The following TRABD2A variants were observed in gnomAD, a reference collection of about 807,000 sequenced individuals.
The protein encoded by TRABD2A is TraB domain containing 2A, also known as metalloprotease TIKI1.
A neutral mutation model predicts 45.6 loss-of-function variants in TRABD2A; 43 were observed. The ratio of observed to expected loss-of-function variants is 0.94; its 90% CI spans 0.74 to 1.22. The LOEUF (loss-of-function observed/expected upper bound fraction) is 1.22, where lower values mean the gene tolerates loss of function less well. Among genes scored for constraint, TRABD2A ranks in the 50% most tolerant of loss-of-function variants. TRABD2A has a pLI of 0.00. For synonymous variants in TRABD2A, 269 were observed against 265.0 expected, an observed-to-expected ratio of 1.02 and a Z score of -0.15; for missense variants, 642 against 652.4, an observed-to-expected ratio of 0.98 and a Z score of 0.17.
chr2:84,840,352 G>C (rs536382388), intron 3 of TRABD2A, among the ~76,000 whole-genome samples: 2 of 151,916 alleles, frequency 1.3e-5, no homozygotes, highest in African/African-American at 2.4e-5. Flanking sequence ...CTTCAGCAGA[G>C]CCCCCCTCTC....
intron 4 of TRABD2A, chr2:84,838,159 C>T (rs1676537509): frequency 4.2e-6 from 3 of 711,798 alleles, no homozygotes; most frequent in Non-Finnish European, 7.8e-6. Context: ...TGAACCCATT[C>T]TGTCCCCTCC....
At chr2:84,826,685 C>T (rs1029412062) in intron 5 of TRABD2A, among the ~76,000 whole-genome samples, 1 of 152,222 alleles carries the variant, frequency 6.6e-6, no homozygotes, top group Non-Finnish European at 1.5e-5. Context: ...GCACATGCCA[C>T]CACGCCCAGC....
chr2:84,853,744 C>T (rs906065109), intron 2 of TRABD2A, among the ~76,000 whole-genome samples: 1 of 152,232 alleles, frequency 6.6e-6, no homozygotes, highest in African/African-American at 2.4e-5. Flanking sequence ...AGATTTCCAG[C>T]CTTGATGGGT....
rs140884643 is a variant in TRABD2A at position 84,838,019 on chromosome 2, T to C, written c.991+1130A>G. ...TTGTTTTCAACACACACCCTAAGAA[T>C]AGGGCTATTCACACAGAGCAAGCTC... On this transcript the variant is annotated intron_variant, in intron 4 of 6. Coordinates refer to ENST00000409520, the MANE Select transcript of TRABD2A (RefSeq NM_001277053.2). The C allele has an allele frequency of 2.6e-3, 1,337 of 512,794 alleles. 16 individuals carry two copies. The highest frequency in any genetic ancestry group is 0.024 in the African/African-American group (1,245 of 51,458). 31.8% of individuals were successfully genotyped at this position (512,794 alleles called of 1,614,324 possible).
At chr2:84,838,771 CT>C (rs1475973122) in intron 4 of TRABD2A, among the ~76,000 whole-genome samples, 5 of 152,158 alleles carry the variant, frequency 3.3e-5, no homozygotes, top group Non-Finnish European at 7.3e-5. Context: ...AGGCCTTGGA[CT>C]TGGGAGGCTC....
intron 4 of TRABD2A, chr2:84,835,221 GAGGAAAAA>G (rs1681463437): frequency 7.7e-6 from 1 of 129,070 alleles, no homozygotes; most frequent in African/African-American, 3.9e-5. Context: ...AAAAATACTA[GAGGAAAAA>G]CTAGAGGTCA....
At chr2:84,836,686 T>G (rs1303482327) in intron 4 of TRABD2A, 1 of 152,210 alleles carries the variant, frequency 6.6e-6, no homozygotes, top group Non-Finnish European at 1.5e-5. Flanking sequence ...TTGGCACACT[T>G]GAGGGTGTCT....
intron 5 of TRABD2A, among the ~76,000 whole-genome samples, chr2:84,827,599 T>A (rs529295481): frequency 3.3e-5 from 5 of 152,330 alleles, no homozygotes; most frequent in Admixed American, 3.3e-4. Flanking sequence ...TCCCCAAAGA[T>A]GTCCATGACC....
At chr2:84,828,660 A>G (rs965773916) in intron 5 of TRABD2A, among the ~76,000 whole-genome samples, 17 of 152,214 alleles carry the variant, frequency 1.1e-4, no homozygotes, top group Admixed American at 4.6e-4. Flanking sequence ...TGGCTGAATA[A>G]ATGAATGCAT....
chr2:84,849,198 G>T (rs1293814674), intron 2 of TRABD2A, among the ~76,000 whole-genome samples: 1 of 152,120 alleles, frequency 6.6e-6, no homozygotes, highest in African/African-American at 2.4e-5. Context: ...GCCCCTGGCT[G>T]ACTCCAAGGA....
chr2:84,844,109 C>T (rs1681803871), intron 2 of TRABD2A: 1 of 152,186 alleles, frequency 6.6e-6, no homozygotes, highest in Non-Finnish European at 1.5e-5. Context: ...CCCATCCTTC[C>T]CATCCCTCTA....
At chr2:84,825,813 C>T (rs1442780350) in intron 5 of TRABD2A, among the ~76,000 whole-genome samples, 1 of 152,118 alleles carries the variant, frequency 6.6e-6, no homozygotes, top group Non-Finnish European at 1.5e-5. Context: ...CTCAGATTAG[C>T]AGGGACATCA....
rs1683189451 is a variant in TRABD2A at position 84,881,035 on chromosome 2, C to A, written c.5G>T (p.Ser2Ile). 13 of 1,601,132 alleles carry A rather than the reference C, an allele frequency of 8.1e-6. No individual in the cohort carries two copies. Among genetic ancestry groups the A allele is most frequent in the Non-Finnish European group, 1.1e-5 (13 of 1,174,916 alleles). The change falls in exon 1 of 7, where the codon AGT (serine) becomes ATT (isoleucine). Residue 2 changes from serine (S) to isoleucine (I), a missense_variant. Physicochemically the swap from Ser to Ile is moderately radical, Grantham distance 142. Transcript: ENST00000409520. M[S>I]PWSWFLLQTL... ...CTGCAGCAGGAACCAGCTCCAGGGA[C>A]TCATCCTCCTCAAGGCGGCTCCGAG... is the stretch of plus-strand genomic sequence containing the variant.
rs758205937 is a variant in TRABD2A, at chr2:84,824,187, G to T, written c.1100C>A (p.Thr367Asn). The T allele has an allele frequency of 1.3e-5, 21 of 1,613,970 alleles. No homozygotes were observed. Among genetic ancestry groups the T allele is most frequent in the Non-Finnish European group, 1.6e-5 (19 of 1,179,872 alleles). ...GGTGGACAGAGTGGGCCGTGTGGAG[G>T]TCTTTTTACTCTTCCCTCTGTACGC... ...RPIHKGKSKK[T>N]STRPTLSTIF... Residue 367 changes from threonine to asparagine, a missense_variant, in exon 6 of 7, where the codon ACC (threonine) becomes AAC (asparagine). Physicochemically the swap from Thr to Asn is moderately conservative, Grantham distance 65. Coordinates refer to ENST00000409520, the MANE Select transcript of TRABD2A (RefSeq NM_001277053.2).
chr2:84,846,595 G>A (rs1681905504), intron 2 of TRABD2A, among the ~76,000 whole-genome samples: 1 of 152,194 alleles, frequency 6.6e-6, no homozygotes, highest in South Asian at 2.1e-4. Context: ...AAGAGACGCA[G>A]TCAATGAAAG....
At chr2:84,864,118 T>C (rs909118150) in intron 2 of TRABD2A, among the ~76,000 whole-genome samples, 2 of 152,094 alleles carry the variant, frequency 1.3e-5, no homozygotes, top group African/African-American at 4.8e-5. Flanking sequence ...GCATTCAGTG[T>C]AGGTGCACCT....
chr2:84,834,899 T>C (rs780988160), intron 4 of TRABD2A: 2 of 152,200 alleles, frequency 1.3e-5, no homozygotes, highest in Non-Finnish European at 2.9e-5. Flanking sequence ...CTCCTAGGCA[T>C]ATATCTGGAA....
At chr2:84,853,088 G>A (rs1682154515) in intron 2 of TRABD2A, among the ~76,000 whole-genome samples, 1 of 152,070 alleles carries the variant, frequency 6.6e-6, no homozygotes, top group Non-Finnish European at 1.5e-5. Flanking sequence ...ATATATTTAA[G>A]TTAAGATCAT....
intron 1 of TRABD2A, among the ~76,000 whole-genome samples, chr2:84,872,341 T>C (rs367562852): frequency 1.2e-4 from 19 of 152,174 alleles, no homozygotes; most frequent in African/African-American, 4.6e-4. Flanking sequence ...AAGCCCCATC[T>C]CTACAAAAAA....
Sources: gnomAD v4.1 joint callset for allele counts (sites outside exome capture counted in the v4.1 genomes callset) on GRCh38, gnomAD v4.1.1 for gene constraint, MANE v1.5 for transcripts, NCBI Gene and HGNC (gene_info 2026-07-23, HGNC 2026-07-21) for gene names.